POFUT3: variants seen among roughly 807,000 people sequenced by gnomAD.
POFUT3 encodes the protein GDP-fucose protein O-fucosyltransferase 3.
chr8:33,324,321 T>A, the POFUT3 span, among the ~76,000 whole-genome samples: 2 of 152,168 alleles, frequency 1.3e-5, no homozygotes, highest in Non-Finnish European at 2.9e-5. Context: ...GCTCTTCCCC[T>A]CTCTGTCCTT....
At chr8:33,389,630 G>C in the POFUT3 span, 1 of 1,614,226 alleles carries the variant, frequency 6.2e-7, no homozygotes, top group Non-Finnish European at 8.5e-7. Flanking sequence ...GTATTGGGTA[G>C]TTAGTGGCAA....
chr8:33,462,525 A>T, the POFUT3 span, among the ~76,000 whole-genome samples: 2 of 152,226 alleles, frequency 1.3e-5, no homozygotes, highest in Non-Finnish European at 1.5e-5. Flanking sequence ...TGTCTTTTAC[A>T]GCAAGTGAAT....
At chr8:33,409,116 T>A in the POFUT3 span, among the ~76,000 whole-genome samples, 4 of 152,306 alleles carry the variant, frequency 2.6e-5, no homozygotes, top group Admixed American at 6.5e-5. Flanking sequence ...ATTTATTTAT[T>A]TTTGAGACAG....
At chr8:33,413,564 C>T in the POFUT3 span, among the ~76,000 whole-genome samples, 1 of 152,074 alleles carries the variant, frequency 6.6e-6, no homozygotes, top group African/African-American at 2.4e-5. Context: ...GTTATAGCAG[C>T]CCAAACGGAC....
chr8:33,340,105 G>A, the POFUT3 span, among the ~76,000 whole-genome samples: 5 of 152,022 alleles, frequency 3.3e-5, no homozygotes, highest in Admixed American at 6.6e-5. Context: ...GAAGGGTAAA[G>A]GAATGTAAAA....
At chr8:33,362,497 A>G in the POFUT3 span, among the ~76,000 whole-genome samples, 1 of 152,286 alleles carries the variant, frequency 6.6e-6, no homozygotes, top group South Asian at 2.1e-4. Flanking sequence ...GTCAAGACCC[A>G]TCAGTGTGCT....
chr8:33,436,184 CTG>C, the POFUT3 span: 47 of 1,246,066 alleles, frequency 3.8e-5, no homozygotes, highest in Non-Finnish European at 4.9e-5. Context: ...TCCTAAGGGA[CTG>C]AATGCACCAA....
the POFUT3 span, among the ~76,000 whole-genome samples, chr8:33,368,402 G>C: frequency 6.6e-6 from 1 of 152,184 alleles, no homozygotes; most frequent in Non-Finnish European, 1.5e-5. Context: ...TTAATCCCAG[G>C]ATATAGATGA....
At chr8:33,308,751 G>A in the POFUT3 span, among the ~76,000 whole-genome samples, 1 of 151,988 alleles carries the variant, frequency 6.6e-6, no homozygotes, top group Admixed American at 6.6e-5. Context: ...TGTTCCTGGA[G>A]CCCAGTCACA....
the POFUT3 span, among the ~76,000 whole-genome samples, chr8:33,470,236 C>CAAAAAAAAAAAAAAAAA: frequency 4.5e-5 from 4 of 89,114 alleles, no homozygotes; most frequent in African/African-American, 1.8e-4. Flanking sequence ...CCCATCTCTA[C>CAAAAAAAAAAAAAAAAA]AAAAAAAAAA....
chr8:33,310,567 T>A, the POFUT3 span, among the ~76,000 whole-genome samples: 3 of 151,730 alleles, frequency 2.0e-5, no homozygotes, highest in South Asian at 4.2e-4. Flanking sequence ...AAGATTAGCA[T>A]CCAGTCCCAG....
At chr8:33,460,020 A>C in the POFUT3 span, among the ~76,000 whole-genome samples, 13 of 152,326 alleles carry the variant, frequency 8.5e-5, no homozygotes, top group African/African-American at 2.6e-4. Context: ...ACATGGTGAA[A>C]CCTCATTTCT....
the POFUT3 span, among the ~76,000 whole-genome samples, chr8:33,344,881 G>A: frequency 6.6e-6 from 1 of 152,188 alleles, no homozygotes; most frequent in Non-Finnish European, 1.5e-5. Flanking sequence ...ACACGGATAA[G>A]TCACTTGTGC....
the POFUT3 span, among the ~76,000 whole-genome samples, chr8:33,441,193 T>C: frequency 7.3e-5 from 11 of 151,470 alleles, no homozygotes; most frequent in Admixed American, 7.2e-4. Context: ...TAGCCAGGCA[T>C]GGTGGTGCAC....
chr8:33,351,993 G>A, the POFUT3 span, among the ~76,000 whole-genome samples: 9 of 152,280 alleles, frequency 5.9e-5, 1 homozygote, highest in African/African-American at 2.2e-4. Context: ...TTTGCTCAAG[G>A]TCATAAAGAT....
chr8:33,391,968 A>T, the POFUT3 span, among the ~76,000 whole-genome samples: 1 of 152,182 alleles, frequency 6.6e-6, no homozygotes, highest in Non-Finnish European at 1.5e-5. Context: ...GCAGAAAGAC[A>T]CAAAGCCTGC....
the POFUT3 span, among the ~76,000 whole-genome samples, chr8:33,425,180 T>A: frequency 5.3e-5 from 8 of 151,484 alleles, no homozygotes; most frequent in Admixed American, 2.6e-4. Context: ...TACAAAAAAA[T>A]TTTTTAATTA....
At chr8:33,471,612 C>T in the POFUT3 span, among the ~76,000 whole-genome samples, 1 of 152,164 alleles carries the variant, frequency 6.6e-6, no homozygotes, top group Non-Finnish European at 1.5e-5. Context: ...TACTGAACAA[C>T]ATTTGTACAT....
chr8:33,411,096 A>C, the POFUT3 span, among the ~76,000 whole-genome samples: 46,090 of 152,126 alleles, frequency 0.3, 7,108 homozygotes, highest in South Asian at 0.44. Context: ...GGAGCTAGTG[A>C]TCAGGAAAAA....
Sources: allele counts gnomAD v4.1 joint callset (sites outside exome capture counted in the v4.1 genomes callset), GRCh38; gene constraint gnomAD v4.1.1; transcripts MANE v1.5; gene names NCBI Gene and HGNC (gene_info 2026-07-23, HGNC 2026-07-21).